GRIFIN: variants seen among roughly 807,000 people sequenced by gnomAD.
GRIFIN encodes galectin-related inter-fiber protein, also known as putative grifin.
Under a neutral mutation model 18.2 loss-of-function variants are expected in GRIFIN, and 22 were observed. The observed-to-expected ratio is 1.21, with a 90% CI of 0.86 to 1.73. GRIFIN has a LOEUF of 1.73. Ranked by LOEUF, GRIFIN falls within the 40% of genes most tolerant of loss-of-function variation. GRIFIN has a pLI of 0.00. For missense variants in GRIFIN, 200 were observed against 190.1 expected, an observed-to-expected ratio of 1.05 and a Z score of -0.31; for synonymous variants, 101 against 82.8, an observed-to-expected ratio of 1.22 and a Z score of -1.19.
At chr7:2,475,617 T>G (rs879065457) in intron 3 of GRIFIN, 52 bp downstream of exon 3, 1 of 1,432,546 alleles carries the variant, frequency 7.0e-7, no homozygotes, top group Admixed American at 2.8e-5. Context: ...GGCCCCCTGT[T>G]CCCCCACGGG....
Position 2,475,764 on chromosome 7 carries a change from T to A in GRIFIN, c.157A>T (p.Ser53Cys). The A allele has an allele frequency of 6.4e-7, 1 of 1,571,346 alleles. No individual in the cohort carries two copies. The highest frequency in any genetic ancestry group is 2.3e-5 in the East Asian group (1 of 43,750). Residue 53 changes from serine to cysteine, a missense_variant, in exon 3 of 5, where the codon AGC becomes TGC. Coordinates refer to ENST00000614228, the MANE Select transcript of GRIFIN (RefSeq NM_001394787.1). ...AAGGCATTGCCCACCACAGTGGCGC[T>A]GGAGAACCGGGGCTTGATGTGGAAG... ...IAFHIKPRFS[S>C]ATVVGNAFQY...
chr7:2,475,694 G>A lies in GRIFIN; in HGVS notation c.227C>T (p.Pro76Leu), dbSNP rs76355897. 15,532 of 1,529,372 alleles carry A rather than the reference G, an allele frequency of 0.01. 576 individuals are homozygous for A. The highest frequency in any genetic ancestry group is 0.09 in the African/African-American group (6,599 of 73,166). 94.7% of individuals were successfully genotyped at this position (1,529,372 alleles called of 1,614,324 possible). A position where few individuals can be genotyped will look rare whatever the true frequency, so the allele number is the denominator to read the frequency against. Residue 76 changes from proline (P) to leucine (L), a missense_variant, in exon 3 of 5, where the codon CCG becomes CTG. Transcript: ENST00000614228. ...CTCAAAGGGCTCCCCCGGGGCCAGC[G>A]GGAAGATGCTAGACACCTGCTCCGG... Reference protein sequence around the residue: ...WGPEQVSSIFPLAPGEPFEIE... With the variant: ...WGPEQVSSIFLLAPGEPFEIE...
At chr7:2,475,343 C>A in intron 3 of GRIFIN, 36 bp from the exon 4 acceptor site, 2 of 1,564,944 alleles carry the variant, frequency 1.3e-6, no homozygotes, top group South Asian at 2.3e-5. Flanking sequence ...CAGTGCCAGC[C>A]CCCAGGGCCT....
At chr7:2,475,070 C>A (rs1297789418) in intron 4 of GRIFIN, 71 bp downstream of exon 4, 34 of 1,493,306 alleles carry the variant, frequency 2.3e-5, no homozygotes, top group Non-Finnish European at 3.0e-5. Context: ...GGGTGAGAAG[C>A]AAAATCCCTG....
At chr7:2,475,624 C>T (rs901667157) in intron 3 of GRIFIN, 45 bp downstream of exon 3, 48 of 1,441,206 alleles carry the variant, frequency 3.3e-5, no homozygotes, top group East Asian at 7.5e-5. Context: ...TGTTCCCCCA[C>T]GGGCCTTCCC....
At position 2,475,909 on chromosome 7, in the gene GRIFIN, G is replaced by GTGCCGC. The variant is rs1352105671; in HGVS notation, c.92+5_92+10dup. The GTGCCGC allele has an allele frequency of 1.3e-6, 2 of 1,597,298 alleles. No individual in the cohort carries two copies. The highest frequency in any genetic ancestry group is 1.7e-6 in the Non-Finnish European group (2 of 1,179,036). On this transcript the variant is annotated intron_variant, in intron 2 of 4. Coordinates refer to ENST00000614228, the MANE Select transcript of GRIFIN (RefSeq NM_001394787.1). Reference sequence around the variant, plus strand: ...CCCAAGGCCCAGCGAGGGGAGGGCGGTGCCGCTGACCTGTCCTCTCCAGAG... The same window carrying GTGCCGC: ...CCCAAGGCCCAGCGAGGGGAGGGCGGTGCCGCTGCCGCTGACCTGTCCTCTCCAGAG...
At chr7:2,476,092 T>G in intron 1 of GRIFIN, 93 bp from the exon 2 acceptor site, 4 of 824,990 alleles carry the variant, frequency 4.8e-6, no homozygotes, top group Non-Finnish European at 5.1e-6. Context: ...TCCAGGAAGG[T>G]CCCTGCCCAC....
At chr7:2,475,587 C>A in intron 3 of GRIFIN, 82 bp downstream of exon 3, 1 of 1,426,704 alleles carries the variant, frequency 7.0e-7, no homozygotes, top group Non-Finnish European at 9.2e-7. Context: ...TAAGCGTCCA[C>A]CGTGAACCCG....
At chr7:2,476,212 G>T in intron 1 of GRIFIN, 160 bp downstream of exon 1, 1 of 459,932 alleles carries the variant, frequency 2.2e-6, no homozygotes, top group Non-Finnish European at 2.9e-6. Flanking sequence ...TGCCCAGCAG[G>T]CCAGCTCTGG....
At position 2,474,766 on chromosome 7, in the gene GRIFIN, G is replaced by T. The variant is rs1010860815; in HGVS notation, c.*104C>A. On this transcript the variant is annotated 3_prime_UTR_variant, in exon 5 of 5. Coordinates refer to ENST00000614228, the MANE Select transcript of GRIFIN (RefSeq NM_001394787.1). ...TTTATTGAAGGTGGAGCTGCGAGGA[G>T]CACACAGGACCACAGACCCCCTCAC... 2.3e-6 allele frequency: 1 copy of T among 428,674 alleles called. No individual in the cohort carries two copies. The highest frequency in any genetic ancestry group is 2.0e-5 in the African/African-American group (1 of 50,116). The allele number at this position is 428,674 out of a possible 1,614,324, so 26.6% of individuals were successfully genotyped here.
chr7:2,475,449 C>T (rs907436252), intron 3 of GRIFIN, 142 bp from the exon 4 acceptor site: 48 of 1,249,776 alleles, frequency 3.8e-5, no homozygotes, highest in Non-Finnish European at 4.9e-5. Context: ...TTGGAGCCCC[C>T]AGCCCAAAGT....
intron 1 of GRIFIN, 68 bp downstream of exon 1, chr7:2,476,304 G>T: frequency 6.6e-7 from 1 of 1,511,614 alleles, no homozygotes; most frequent in South Asian, 1.2e-5. Context: ...TGCAGAGAGA[G>T]CACGGGTGGC....
Position 2,475,919 on chromosome 7 carries a change from C to A in GRIFIN, c.92+1G>T. 1 of 1,598,264 alleles carries A rather than the reference C, an allele frequency of 6.3e-7. No individual in the cohort carries two copies. The highest frequency in any genetic ancestry group is 1.3e-5 in the African/African-American group (1 of 75,032). On this transcript the variant is annotated splice_donor_variant, in intron 2 of 4. Coordinates refer to ENST00000614228, the MANE Select transcript of GRIFIN (RefSeq NM_001394787.1). LOFTEE classifies it high-confidence loss of function. ...AGCGAGGGGAGGGCGGTGCCGCTGA[C>A]CTGTCCTCTCCAGAGTCAGCATGTC... is the stretch of plus-strand genomic sequence containing the variant.
chr7:2,475,899 G>C (rs1165029150), intron 2 of GRIFIN, 21 bp downstream of exon 2: 3 of 1,595,766 alleles, frequency 1.9e-6, no homozygotes, highest in South Asian at 2.2e-5. Context: ...GGCCCAGCGA[G>C]GGGAGGGCGG....
Position 2,475,816 on chromosome 7 carries a change from G to A in GRIFIN, c.105C>T (p.Asn35=). Reference sequence around the variant, plus strand: ...CAATGTCCCCCGTCTCCAACAAGAAGTTAGTCTCGAACCTGGGGCGGACAT... The same window carrying A: ...CAATGTCCCCCGTCTCCAACAAGAAATTAGTCTCGAACCTGGGGCGGACAT... The part of the protein sequence containing the change: ...ADSGEDRFET[N]FLLETGDIAF... The change falls in exon 3 of 5, where the codon AAC becomes AAT. Residue 35 remains asparagine, a synonymous_variant. Transcript: ENST00000614228. The A allele has an allele frequency of 6.4e-7, 1 of 1,573,642 alleles. No individual in the cohort carries two copies.
In GRIFIN at chr7:2,475,666, C is replaced by G; in HGVS notation, c.252+3G>C. ...GCCCAGGCCCCACCCAGGCCCCTGT[C>G]ACCTCAAAGGGCTCCCCCGGGGCCA... On this transcript the variant is annotated splice_donor_region_variant and intron_variant, in intron 3 of 4. Coordinates refer to ENST00000614228, the MANE Select transcript of GRIFIN (RefSeq NM_001394787.1). 6.7e-7 allele frequency: 1 copy of G among 1,489,014 alleles called. No individual in the cohort carries two copies. Among genetic ancestry groups the G allele is most frequent in the East Asian group, 2.5e-5 (1 of 40,476 alleles). The allele number at this position is 1,489,014 out of a possible 1,614,324, so 92.2% of individuals were successfully genotyped here. A position where few individuals can be genotyped will look rare whatever the true frequency, so the allele number is the denominator to read the frequency against.
At chr7:2,476,068 C>T (rs1195696349) in intron 1 of GRIFIN, 69 bp from the exon 2 acceptor site, 1 of 1,309,552 alleles carries the variant, frequency 7.6e-7, no homozygotes, top group East Asian at 2.5e-5. Context: ...CCCACCCCCA[C>T]CCTATCCCAT....
intron 4 of GRIFIN, 24 bp downstream of exon 4, chr7:2,475,117 C>A: frequency 6.4e-7 from 1 of 1,560,576 alleles, no homozygotes. Flanking sequence ...TGGGCAGGGA[C>A]CTGGGTAGAG....
intron 1 of GRIFIN, 104 bp downstream of exon 1, chr7:2,476,268 A>G: frequency 7.3e-7 from 1 of 1,362,028 alleles, no homozygotes; most frequent in East Asian, 2.5e-5. Flanking sequence ...ATCTGATGAG[A>G]GGCCAGAGCC....
Sources: allele counts gnomAD v4.1 joint callset, GRCh38; gene constraint gnomAD v4.1.1; transcripts MANE v1.5; gene names NCBI Gene and HGNC (gene_info 2026-07-23, HGNC 2026-07-21).